SMOC1: variants seen among roughly 807,000 people sequenced by gnomAD.
The protein encoded by SMOC1 is SPARC-related modular calcium-binding protein 1.
In SMOC1, 22 loss-of-function variants were observed where a neutral mutation model predicts 56.3. The observed-to-expected ratio is 0.39, with a 90% CI of 0.28 to 0.56. The LOEUF is 0.56. Ranked by LOEUF, SMOC1 falls within the 20% of genes least tolerant of loss-of-function variation. The pLI is 0.61. For missense variants in SMOC1, 509 were observed against 565.4 expected (o/e 0.90, Z 1.01); for synonymous variants, 193 against 215.0 (o/e 0.90, Z 0.89).
At chr14:70,016,084 T>C (rs1419082190) in intron 10 of SMOC1, among the ~76,000 whole-genome samples, 1 of 152,126 alleles carries the variant, frequency 6.6e-6, no homozygotes, top group Non-Finnish European at 1.5e-5. Context: ...GACTTCAAGC[T>C]CCTCTTGGTT....
At chr14:69,980,584 A>T (rs983105697) in intron 5 of SMOC1, among the ~76,000 whole-genome samples, 1 of 152,196 alleles carries the variant, frequency 6.6e-6, no homozygotes, top group African/African-American at 2.4e-5. Context: ...TGGGGTTTGA[A>T]TGGGGACAGG....
chr14:69,928,801 ATAGT>A (rs1885086601), intron 1 of SMOC1, among the ~76,000 whole-genome samples: 1 of 152,196 alleles, frequency 6.6e-6, no homozygotes, highest in Non-Finnish European at 1.5e-5. Context: ...CAAAGCCTGA[ATAGT>A]TAAAGCATGC....
At chr14:69,982,219 C>G (rs1397507206) in intron 5 of SMOC1, among the ~76,000 whole-genome samples, 1 of 152,168 alleles carries the variant, frequency 6.6e-6, no homozygotes, top group African/African-American at 2.4e-5. Context: ...CTAATATACT[C>G]TGCTAAACTT....
intron 1 of SMOC1, among the ~76,000 whole-genome samples, chr14:69,945,428 G>A (rs555691679): frequency 3.3e-5 from 5 of 152,130 alleles, no homozygotes; most frequent in Non-Finnish European, 5.9e-5. Context: ...AGAATCAAAC[G>A]CCCAGGCAAG....
intron 4 of SMOC1, among the ~76,000 whole-genome samples, chr14:69,976,501 T>C (rs1351464560): frequency 6.6e-6 from 1 of 152,208 alleles, no homozygotes. Context: ...TTTATAGTGA[T>C]CCATTGGGTT....
At chr14:69,947,932 C>T (rs1352540642) in intron 1 of SMOC1, among the ~76,000 whole-genome samples, 6 of 152,188 alleles carry the variant, frequency 3.9e-5, no homozygotes, top group Non-Finnish European at 8.8e-5. Context: ...AAGTCTTCCT[C>T]TTATTGCCTT....
At chr14:69,953,651 T>A in intron 3 of SMOC1, 119 bp downstream of exon 3, 1 of 816,828 alleles carries the variant, frequency 1.2e-6, no homozygotes. Context: ...AGTGAGTGGC[T>A]CTTCAACTCC....
chr14:70,020,559 G>T (rs1481293382), intron 10 of SMOC1, among the ~76,000 whole-genome samples: 3 of 152,138 alleles, frequency 2.0e-5, no homozygotes, highest in Admixed American at 6.5e-5. Flanking sequence ...GTGTTAGAGG[G>T]AGCCCAGAGG....
intron 10 of SMOC1, among the ~76,000 whole-genome samples, chr14:70,020,827 G>C (rs1885691684): frequency 6.6e-6 from 1 of 152,190 alleles, no homozygotes. Context: ...GGCATGGAAG[G>C]AAACTCTTGG....
chr14:70,016,515 G>T (rs547012488), intron 10 of SMOC1, among the ~76,000 whole-genome samples: 4 of 152,304 alleles, frequency 2.6e-5, no homozygotes, highest in South Asian at 4.2e-4. Flanking sequence ...TGGGGAAAGG[G>T]AGAAGAAAGA....
chr14:69,958,820 A>C (rs1883274270), intron 3 of SMOC1, among the ~76,000 whole-genome samples: 1 of 152,248 alleles, frequency 6.6e-6, no homozygotes, highest in African/African-American at 2.4e-5. Context: ...AAATTGCTTA[A>C]ACAAATGACA....
At chr14:69,889,593 T>A (rs968921598) in intron 1 of SMOC1, among the ~76,000 whole-genome samples, 1 of 152,080 alleles carries the variant, frequency 6.6e-6, no homozygotes, top group Non-Finnish European at 1.5e-5. Flanking sequence ...TTTTCCAGGG[T>A]GGTGGGGAAA....
intron 5 of SMOC1, among the ~76,000 whole-genome samples, chr14:69,984,694 A>T (rs1035984745): frequency 9.9e-5 from 15 of 152,026 alleles, no homozygotes; most frequent in African/African-American, 3.4e-4. Flanking sequence ...AAAAAAAAAA[A>T]AAATACAAAA....
chr14:69,989,622 A>G (rs1884491577), intron 5 of SMOC1, among the ~76,000 whole-genome samples: 1 of 152,224 alleles, frequency 6.6e-6, no homozygotes, highest in Admixed American at 6.5e-5. Context: ...CCAGAGAAGT[A>G]AAAGGAGGGG....
chr14:69,991,647 G>A (rs1446942083), intron 5 of SMOC1, among the ~76,000 whole-genome samples: 1 of 152,174 alleles, frequency 6.6e-6, no homozygotes, highest in East Asian at 1.9e-4. Flanking sequence ...TAAGCATTAG[G>A]ACTTTGTTAC....
rs190989680 is a variant in SMOC1, at chr14:69,881,549, A to G, written c.99+1772A>G. Among the ~76,000 whole-genome samples the G allele has an allele frequency of 2.6e-4, 40 of 152,194 alleles. 1 individual carries two copies. In the East Asian group the frequency reaches 6.9e-3, roughly 26 times the overall value. On this transcript the variant is annotated intron_variant, in intron 1 of 11. Transcript: ENST00000361956. ...CCAGCTCCTCTAGTTTATTAATTTG[A>G]TAGAAGTGATGGAACGTAAGCAGGA...
At chr14:69,998,666 T>C (rs12887943) in intron 7 of SMOC1, among the ~76,000 whole-genome samples, 24,591 of 152,150 alleles carry the variant, frequency 0.16, 2,718 homozygotes, top group East Asian at 0.4. Flanking sequence ...ACTTCCACCC[T>C]TTCTCTTCTG....
At chr14:70,027,341 G>A (rs1325858787) in intron 11 of SMOC1, among the ~76,000 whole-genome samples, 1 of 152,196 alleles carries the variant, frequency 6.6e-6, no homozygotes, top group African/African-American at 2.4e-5. Context: ...TGTGTGAGCA[G>A]GCCAGTCTTG....
chr14:69,892,585 G>A (rs548272154), intron 1 of SMOC1, among the ~76,000 whole-genome samples: 23 of 152,160 alleles, frequency 1.5e-4, no homozygotes, highest in Non-Finnish European at 2.9e-4. Flanking sequence ...ACAATGGATT[G>A]CCATGGACCC....
Sources: gnomAD v4.1 joint callset for allele counts (sites outside exome capture counted in the v4.1 genomes callset) on GRCh38, gnomAD v4.1.1 for gene constraint, MANE v1.5 for transcripts, NCBI Gene and HGNC (gene_info 2026-07-23, HGNC 2026-07-21) for gene names.